KLRD1: variants seen among roughly 807,000 people sequenced by gnomAD.
KLRD1 encodes killer cell lectin like receptor D1.
KLRD1 carries 21 observed loss-of-function variants against 22.6 expected under a neutral mutation model. That is an observed-to-expected ratio of 0.93 (90% CI 0.66 to 1.34). The LOEUF is 1.34. KLRD1 is among the 40% of genes most tolerant of loss of function. The pLI, the probability that KLRD1 is intolerant of heterozygous loss-of-function variation, is 0.00. For synonymous variants in KLRD1, 59 were observed against 71.1 expected, an observed-to-expected ratio of 0.83 and a Z score of 0.85; for missense variants, 183 against 208.6, an observed-to-expected ratio of 0.88 and a Z score of 0.76.
upstream of KLRD1, among the ~76,000 whole-genome samples, chr12:10,305,408 G>A (rs898800563): frequency 2.0e-5 from 3 of 152,298 alleles, no homozygotes; most frequent in African/African-American, 4.8e-5. Context: ...ATTTGGAATT[G>A]TGTATGCAAT....
chr12:10,299,979 C>T (rs938041221), upstream of KLRD1, among the ~76,000 whole-genome samples: 22 of 152,312 alleles, frequency 1.4e-4, no homozygotes, highest in African/African-American at 1.9e-4. Flanking sequence ...AATTCCGCCA[C>T]GACTTCAGTC....
intron 1 of KLRD1, among the ~76,000 whole-genome samples, chr12:10,285,665 A>AT (rs1565459513): frequency 6.6e-6 from 1 of 152,178 alleles, no homozygotes; most frequent in Non-Finnish European, 1.5e-5. Flanking sequence ...CTCTAAGCAC[A>AT]TTATCCGAAG....
upstream of KLRD1, among the ~76,000 whole-genome samples, chr12:10,307,292 G>C (rs750626170): frequency 6.6e-6 from 1 of 152,162 alleles, no homozygotes; most frequent in Non-Finnish European, 1.5e-5. Context: ...TTGAGGTGTT[G>C]AAAAAAGCTT....
At chr12:10,293,200 C>G (rs372444068) in intron 1 of KLRD1, among the ~76,000 whole-genome samples, 68 of 26,824 alleles carry the variant, frequency 2.5e-3, no homozygotes, top group African/African-American at 8.4e-3. Flanking sequence ...TGCTCACTGG[C>G]ATAGCAATTT....
chr12:10,273,554 C>T (rs1949567396), intron 1 of KLRD1, among the ~76,000 whole-genome samples: 1 of 152,178 alleles, frequency 6.6e-6, no homozygotes, highest in African/African-American at 2.4e-5. Context: ...GACATACACA[C>T]CACAGTAACC....
intron 3 of KLRD1, among the ~76,000 whole-genome samples, 191 bp downstream of exon 3, chr12:10,309,879 T>G (rs559616349): frequency 7.1e-4 from 108 of 152,210 alleles, no homozygotes; most frequent in Non-Finnish European, 1.4e-3. Context: ...TGTGTATCAT[T>G]TGTACATTTA....
intron 1 of KLRD1, among the ~76,000 whole-genome samples, chr12:10,271,654 C>G (rs1949550578): frequency 6.6e-6 from 1 of 151,836 alleles, no homozygotes; most frequent in African/African-American, 2.4e-5. Context: ...TTATACTTTC[C>G]TCAGAAAACT....
intron 1 of KLRD1, among the ~76,000 whole-genome samples, chr12:10,259,350 T>C (rs965920054): frequency 2.6e-5 from 4 of 152,220 alleles, no homozygotes; most frequent in African/African-American, 9.6e-5. Context: ...TTTGTTATTA[T>C]TTTGGTCATT....
rs1208780931 is a variant in KLRD1, at chr12:10,315,367, T to G, written c.*574T>G. The G allele has an allele frequency of 2.6e-6, 1 of 387,470 alleles. No individual in the cohort carries two copies. The highest frequency in any genetic ancestry group is 2.9e-5 in the Admixed American group (1 of 35,078). The allele number at this position is 387,470 out of a possible 1,614,324, so 24.0% of individuals were successfully genotyped here. A position where few individuals can be genotyped will look rare whatever the true frequency, so the allele number is the denominator to read the frequency against. ...TCTTGAACTCCTGGCCTCAAGGGATTCTCCCACCTTGGATTCCCAAAGTGC... is the reference window on the plus strand; with the variant it reads ...TCTTGAACTCCTGGCCTCAAGGGATGCTCCCACCTTGGATTCCCAAAGTGC... On this transcript the variant is annotated 3_prime_UTR_variant, in exon 6 of 6. Coordinates refer to ENST00000336164, the MANE Select transcript of KLRD1 (RefSeq NM_002262.5).
intron 1 of KLRD1, chr12:10,308,317 G>T: frequency 2.0e-6 from 1 of 508,832 alleles, no homozygotes; most frequent in Non-Finnish European, 3.5e-6. Flanking sequence ...GTTTCTGACA[G>T]GGCTACCTTT....
At chr12:10,268,476 G>T (rs759586748) in intron 1 of KLRD1, among the ~76,000 whole-genome samples, 9 of 152,182 alleles carry the variant, frequency 5.9e-5, no homozygotes, top group Non-Finnish European at 1.0e-4. Flanking sequence ...TTGGATATTA[G>T]ATCTTGCTGG....
chr12:10,257,479 A>ATTTTTTT (rs1239055884), intron 1 of KLRD1, among the ~76,000 whole-genome samples: 1 of 42,316 alleles, frequency 2.4e-5, no homozygotes, highest in Admixed American at 3.7e-4. Flanking sequence ...CAGGTAGCTG[A>ATTTTTTT]TTCTTTTTTT....
chr12:10,265,835 G>A (rs1302270157), intron 1 of KLRD1, among the ~76,000 whole-genome samples: 2 of 152,188 alleles, frequency 1.3e-5, no homozygotes, highest in Non-Finnish European at 2.9e-5. Context: ...ACATGTCCCT[G>A]TACAGCTTCT....
In KLRD1 at chr12:10,320,685, A is replaced by T. The variant is rs1950304413; in HGVS notation, c.*5892A>T. The T allele has an allele frequency of 6.6e-6, 1 of 152,150 alleles. No individual in the cohort carries two copies. The highest frequency in any genetic ancestry group is 2.4e-5 in the African/African-American group (1 of 41,390). The allele number at this position is 152,150 out of a possible 1,614,324, so 9.4% of individuals were successfully genotyped here. A position where few individuals can be genotyped will look rare whatever the true frequency, so the allele number is the denominator to read the frequency against. On this transcript the variant is annotated 3_prime_UTR_variant, in exon 6 of 6. Transcript: ENST00000336164. The stretch of plus-strand genomic sequence containing the variant: ...CAAAAATGCTAAAATTGAGAAATAG[A>T]TTCTGAGCAAAGATCCAATCTAGAG...
chr12:10,269,914 ATT>A (rs1413328132), intron 1 of KLRD1, among the ~76,000 whole-genome samples: 2 of 152,162 alleles, frequency 1.3e-5, no homozygotes, highest in Non-Finnish European at 2.9e-5. Flanking sequence ...TATCTTGATC[ATT>A]CTTTCATTTT....
chr12:10,292,179 G>A (rs987189986), intron 1 of KLRD1, among the ~76,000 whole-genome samples: 5 of 151,946 alleles, frequency 3.3e-5, no homozygotes, highest in Non-Finnish European at 7.4e-5. Context: ...CTGAAGTCTC[G>A]AACACCTCAA....
At chr12:10,262,958 A>C (rs993376046) in intron 1 of KLRD1, among the ~76,000 whole-genome samples, 3 of 152,090 alleles carry the variant, frequency 2.0e-5, no homozygotes, top group African/African-American at 7.2e-5. Flanking sequence ...TATTCTAAGC[A>C]GTTAGTTAAC....
chr12:10,240,066 CTT>C (rs879803613), intron 1 of KLRD1, among the ~76,000 whole-genome samples: 6 of 143,656 alleles, frequency 4.2e-5, no homozygotes, highest in Admixed American at 6.9e-5. Flanking sequence ...TACTTTCTTT[CTT>C]TTTTTTTTTG....
chr12:10,247,952 A>G (rs1949307861), intron 1 of KLRD1, among the ~76,000 whole-genome samples: 1 of 152,198 alleles, frequency 6.6e-6, no homozygotes, highest in East Asian at 1.9e-4. Flanking sequence ...CTATAGCAGC[A>G]TGAGTACGGA....
Sources: allele counts gnomAD v4.1 joint callset (sites outside exome capture counted in the v4.1 genomes callset), GRCh38; gene constraint gnomAD v4.1.1; transcripts MANE v1.5; gene names NCBI Gene and HGNC (gene_info 2026-07-23, HGNC 2026-07-21).